Variants in SPIDR observed in about 807,000 individuals in gnomAD.
The protein encoded by SPIDR is scaffold protein involved in DNA repair.
Under a neutral mutation model 104.6 loss-of-function variants are expected in SPIDR, and 93 were observed. The ratio of observed to expected loss-of-function variants is 0.89; its 90% confidence interval spans 0.75 to 1.06. The LOEUF is 1.06. Among genes scored for constraint, SPIDR ranks in the 50% least tolerant of loss-of-function variants. SPIDR has a pLI of 0.00. For missense variants in SPIDR, 1,154 were observed against 1,111.2 expected, an observed-to-expected ratio of 1.04 and a Z score of -0.55; for synonymous variants, 431 against 416.9, an observed-to-expected ratio of 1.03 and a Z score of -0.41.
intron 10 of SPIDR, chr8:47,653,904 A>C: frequency 1.1e-6 from 1 of 922,392 alleles, no homozygotes; most frequent in Non-Finnish European, 1.3e-6. Context: ...AAAAAGGAAA[A>C]AGAATTGTTT....
At position 47,580,582 on chromosome 8, in the gene SPIDR, C is replaced by T. The variant is rs144137604; in HGVS notation, c.1098-15229C>T. Among the ~76,000 whole-genome samples, 160 of 152,312 alleles carry T rather than the reference C, an allele frequency of 1.1e-3. 2 individuals carry two copies. Among genetic ancestry groups the T allele is most frequent in the Middle Eastern group, 6.8e-3 (2 of 294 alleles). ...AGGTCAAAAACCTATACGTCCTCTC[C>T]TTCCTCCCATGTCATCGTGTGCTGT... On this transcript the variant is annotated intron_variant, in intron 8 of 19. Coordinates refer to ENST00000297423, the MANE Select transcript of SPIDR (RefSeq NM_001080394.4).
chr8:47,357,008 G>T (rs576260376), intron 5 of SPIDR, among the ~76,000 whole-genome samples: 30 of 152,218 alleles, frequency 2.0e-4, no homozygotes, highest in African/African-American at 6.5e-4. Flanking sequence ...AAGTTGCCTA[G>T]CATTACTTGC....
intron 10 of SPIDR, among the ~76,000 whole-genome samples, chr8:47,613,058 C>T (rs567258931): frequency 6.6e-6 from 1 of 152,242 alleles, no homozygotes; most frequent in African/African-American, 2.4e-5. Context: ...TCAGTGGTAG[C>T]ACATTCACAA....
chr8:47,482,454 T>A (rs996208303), intron 8 of SPIDR, among the ~76,000 whole-genome samples: 4 of 152,110 alleles, frequency 2.6e-5, no homozygotes, highest in Non-Finnish European at 5.9e-5. Context: ...GTCTCATGAC[T>A]TCGTCTCCTA....
chr8:47,265,055 C>G (rs1319281867), intron 1 of SPIDR, among the ~76,000 whole-genome samples: 1 of 152,048 alleles, frequency 6.6e-6, no homozygotes, highest in Non-Finnish European at 1.5e-5. Flanking sequence ...TCAGTGATGG[C>G]AGGAAATTCT....
At chr8:47,525,237 G>A (rs2084790474) in intron 8 of SPIDR, among the ~76,000 whole-genome samples, 1 of 152,198 alleles carries the variant, frequency 6.6e-6, no homozygotes, top group Non-Finnish European at 1.5e-5. Flanking sequence ...AACCCAGGGG[G>A]TGACTGAGTT....
intron 8 of SPIDR, among the ~76,000 whole-genome samples, chr8:47,518,941 C>T (rs73565281): frequency 0.019 from 2,875 of 152,186 alleles, 79 homozygotes; most frequent in African/African-American, 0.065. Flanking sequence ...GGCCTCAAGT[C>T]TTATGCTACT....
intron 8 of SPIDR, among the ~76,000 whole-genome samples, chr8:47,457,420 C>T (rs892784490): frequency 6.6e-6 from 1 of 152,038 alleles, no homozygotes; most frequent in Admixed American, 6.6e-5. Flanking sequence ...TGAGAATTGT[C>T]TGTTCATATC....
chr8:47,621,430 G>T lies in SPIDR; in HGVS notation c.1544+22234G>T, dbSNP rs546957091. 6.8e-4 allele frequency among the ~76,000 whole-genome samples: 103 copies of T among 152,244 alleles called. 1 individual carries two copies. Among genetic ancestry groups the T allele is most frequent in the Non-Finnish European group, 1.3e-3 (91 of 68,012 alleles). ...AGTCTCACCCTGCCTTGGCTGCCTCGTCTGTAGATTGTAGATTTGGGTTAT... is the reference window on the plus strand; with the variant it reads ...AGTCTCACCCTGCCTTGGCTGCCTCTTCTGTAGATTGTAGATTTGGGTTAT... On this transcript the variant is annotated intron_variant, in intron 10 of 19. Coordinates refer to ENST00000297423, the MANE Select transcript of SPIDR (RefSeq NM_001080394.4).
chr8:47,297,435 G>A (rs1220113311), intron 5 of SPIDR, among the ~76,000 whole-genome samples: 2 of 151,722 alleles, frequency 1.3e-5, no homozygotes, highest in African/African-American at 4.8e-5. Context: ...TTTGAGTTGT[G>A]TCACATGCTT....
chr8:47,734,890 T>C (rs1164060391), intron 19 of SPIDR, among the ~76,000 whole-genome samples: 3 of 152,188 alleles, frequency 2.0e-5, no homozygotes, highest in South Asian at 4.1e-4. Context: ...GGAAGGAAGT[T>C]TGGGGCAAAG....
At chr8:47,528,772 T>A (rs1462391000) in intron 8 of SPIDR, among the ~76,000 whole-genome samples, 15 of 140,540 alleles carry the variant, frequency 1.1e-4, no homozygotes, top group African/African-American at 1.6e-4. Context: ...GAAAAAAGAG[T>A]GAAAAAAAAA....
chr8:47,621,589 C>G (rs906044940), intron 10 of SPIDR, among the ~76,000 whole-genome samples: 3 of 152,208 alleles, frequency 2.0e-5, no homozygotes, highest in Admixed American at 2.0e-4. Context: ...CCATTTGGCC[C>G]AGGCCTCTCA....
intron 8 of SPIDR, among the ~76,000 whole-genome samples, chr8:47,473,023 A>G (rs1349511013): frequency 6.6e-6 from 1 of 152,164 alleles, no homozygotes; most frequent in Admixed American, 6.5e-5. Context: ...ACAACCTGCG[A>G]TTGCCTGGAT....
At chr8:47,606,575 A>G (rs2062982887) in intron 10 of SPIDR, among the ~76,000 whole-genome samples, 1 of 152,162 alleles carries the variant, frequency 6.6e-6, no homozygotes, top group Non-Finnish European at 1.5e-5. Flanking sequence ...CAAACTCCTG[A>G]TGGTGAGAAT....
At chr8:47,387,599 G>C (rs1336122136) in intron 5 of SPIDR, among the ~76,000 whole-genome samples, 1 of 152,190 alleles carries the variant, frequency 6.6e-6, no homozygotes, top group Admixed American at 6.5e-5. Context: ...GTGATACTGA[G>C]GCAAACAACT....
At chr8:47,681,027 C>T (rs904280652) in intron 11 of SPIDR, among the ~76,000 whole-genome samples, 2 of 152,188 alleles carry the variant, frequency 1.3e-5, no homozygotes, top group Non-Finnish European at 2.9e-5. Flanking sequence ...CACGCCATTG[C>T]GCTCCAGCCT....
At chr8:47,425,888 AAC>A (rs1232256857) in intron 7 of SPIDR, among the ~76,000 whole-genome samples, 1 of 152,154 alleles carries the variant, frequency 6.6e-6, no homozygotes, top group African/African-American at 2.4e-5. Context: ...AACTACAGAA[AAC>A]ACAGATACAC....
At chr8:47,376,745 G>A (rs1554642653) in intron 5 of SPIDR, among the ~76,000 whole-genome samples, 2 of 151,962 alleles carry the variant, frequency 1.3e-5, no homozygotes, top group African/African-American at 4.8e-5. Flanking sequence ...GCATATCAAG[G>A]TACATTGAGT....
Sources: allele counts gnomAD v4.1 joint callset (sites outside exome capture counted in the v4.1 genomes callset), GRCh38; gene constraint gnomAD v4.1.1; transcripts MANE v1.5; gene names NCBI Gene and HGNC (gene_info 2026-07-23, HGNC 2026-07-21).